Variants in CADM2 observed in about 807,000 individuals in gnomAD.
The protein encoded by CADM2 is immunoglobulin superfamily member 4D.
CADM2 carries 12 observed loss-of-function variants against 49.8 expected under a neutral mutation model. That is an observed-to-expected ratio of 0.24 (90% confidence interval 0.15 to 0.39). The LOEUF is 0.39. CADM2 is among the 10% of genes least tolerant of loss of function. The pLI, the probability that CADM2 is intolerant of heterozygous loss-of-function variation, is 1.00. For synonymous variants in CADM2, 214 were observed against 175.4 expected (o/e 1.22, Z -1.74); for missense variants, 378 against 492.3 (o/e 0.77, Z 2.20).
At chr3:85,384,157 A>C (rs753854880) in intron 1 of CADM2, among the ~76,000 whole-genome samples, 6 of 152,150 alleles carry the variant, frequency 3.9e-5, no homozygotes, top group Non-Finnish European at 7.4e-5. Context: ...GTATCTTTTA[A>C]ATCTGTACCT....
intron 1 of CADM2, among the ~76,000 whole-genome samples, chr3:85,723,333 A>G (rs2067574520): frequency 6.6e-6 from 1 of 152,182 alleles, no homozygotes; most frequent in South Asian, 2.1e-4. Flanking sequence ...ATCTATAAAC[A>G]GTTAAAATTG....
At chr3:85,004,477 G>A (rs1218363728) in intron 1 of CADM2, among the ~76,000 whole-genome samples, 1 of 152,090 alleles carries the variant, frequency 6.6e-6, no homozygotes, top group Non-Finnish European at 1.5e-5. Flanking sequence ...ATTTAGAAAA[G>A]TAAATAAGCA....
At chr3:85,697,959 C>T (rs950432702) in intron 1 of CADM2, among the ~76,000 whole-genome samples, 1 of 152,044 alleles carries the variant, frequency 6.6e-6, no homozygotes, top group Non-Finnish European at 1.5e-5. Flanking sequence ...CTGCATTTAC[C>T]CAAGCATTTT....
At chr3:85,574,216 G>C (rs190358949) in intron 1 of CADM2, among the ~76,000 whole-genome samples, 1 of 152,284 alleles carries the variant, frequency 6.6e-6, no homozygotes, top group Admixed American at 6.5e-5. Context: ...CTGGAATTTG[G>C]ATCTTGAAGC....
At chr3:85,072,360 C>G (rs913275177) in intron 1 of CADM2, among the ~76,000 whole-genome samples, 1 of 152,000 alleles carries the variant, frequency 6.6e-6, no homozygotes, top group Non-Finnish European at 1.5e-5. Context: ...CTTTTAACAT[C>G]CAGTCTCCTA....
intron 1 of CADM2, among the ~76,000 whole-genome samples, chr3:85,243,334 G>A (rs955328637): frequency 1.3e-5 from 2 of 151,800 alleles, no homozygotes; most frequent in African/African-American, 4.8e-5. Flanking sequence ...TTTTTACCCT[G>A]ATGTATTTTA....
chr3:85,416,671 G>A (rs145877847), intron 1 of CADM2, among the ~76,000 whole-genome samples: 212 of 152,138 alleles, frequency 1.4e-3, no homozygotes, highest in African/African-American at 4.6e-3. Context: ...GGACAAGCCT[G>A]GAATACGAAA....
intron 1 of CADM2, among the ~76,000 whole-genome samples, chr3:84,988,309 T>C (rs1355727285): frequency 1.3e-5 from 2 of 152,268 alleles, no homozygotes; most frequent in East Asian, 1.9e-4. Flanking sequence ...TATTTCCTTT[T>C]CCTTTGCAGT....
chr3:85,041,363 A>G (rs893128188), intron 1 of CADM2, among the ~76,000 whole-genome samples: 1 of 152,142 alleles, frequency 6.6e-6, no homozygotes, highest in Non-Finnish European at 1.5e-5. Flanking sequence ...TTTGTTCTCC[A>G]TTGAATTTGT....
At chr3:85,804,290 T>G (rs1248655764) in intron 3 of CADM2, among the ~76,000 whole-genome samples, 1 of 152,152 alleles carries the variant, frequency 6.6e-6, no homozygotes, top group African/African-American at 2.4e-5. Flanking sequence ...TTAGTTAATT[T>G]GTCAACTTGG....
At chr3:85,065,045 A>C (rs1448287715) in intron 1 of CADM2, among the ~76,000 whole-genome samples, 2 of 152,126 alleles carry the variant, frequency 1.3e-5, no homozygotes, top group African/African-American at 4.8e-5. Context: ...TTTAAAATAA[A>C]ATAATATCAC....
At chr3:85,149,108 T>TA (rs2039840858) in intron 1 of CADM2, among the ~76,000 whole-genome samples, 1 of 152,062 alleles carries the variant, frequency 6.6e-6, no homozygotes, top group African/African-American at 2.4e-5. Context: ...GCTTTTTTTT[T>TA]TAAAAAAATC....
intron 1 of CADM2, among the ~76,000 whole-genome samples, chr3:85,023,913 G>C (rs2034613263): frequency 6.6e-6 from 1 of 151,936 alleles, no homozygotes; most frequent in African/African-American, 2.4e-5. Context: ...TTTATGTTAA[G>C]ATAAGTTTGG....
At chr3:85,881,469 CA>C (rs2108384836) in intron 3 of CADM2, among the ~76,000 whole-genome samples, 1 of 152,064 alleles carries the variant, frequency 6.6e-6, no homozygotes, top group South Asian at 2.1e-4. Flanking sequence ...ATACGCTGAA[CA>C]TTTTGATTAT....
At chr3:85,008,004 A>AT (rs1478468758) in intron 1 of CADM2, among the ~76,000 whole-genome samples, 1 of 152,192 alleles carries the variant, frequency 6.6e-6, no homozygotes, top group East Asian at 1.9e-4. Flanking sequence ...AAGAGTTCAT[A>AT]ATTCATAAAT....
At chr3:85,204,553 A>G (rs1389658101) in intron 1 of CADM2, among the ~76,000 whole-genome samples, 7 of 152,122 alleles carry the variant, frequency 4.6e-5, no homozygotes, top group African/African-American at 1.7e-4. Flanking sequence ...TCTCTTCAAA[A>G]ATTGTATTCA....
intron 6 of CADM2, among the ~76,000 whole-genome samples, chr3:85,924,259 A>C (rs987565077): frequency 5.3e-5 from 8 of 152,134 alleles, no homozygotes; most frequent in Admixed American, 1.3e-4. Context: ...AACTGTTTCA[A>C]ATGCACTTAA....
chr3:85,786,679 A>G (rs1197055245), intron 2 of CADM2, among the ~76,000 whole-genome samples: 1 of 152,004 alleles, frequency 6.6e-6, no homozygotes, highest in East Asian at 1.9e-4. Flanking sequence ...TTTGAACACA[A>G]TGTTTATGTG....
At chr3:85,465,302 C>T (rs2038442979) in intron 1 of CADM2, among the ~76,000 whole-genome samples, 1 of 152,122 alleles carries the variant, frequency 6.6e-6, no homozygotes, top group African/African-American at 2.4e-5. Flanking sequence ...ATTTGAAAAA[C>T]TAGAGATATC....
Sources: allele counts gnomAD v4.1 joint callset (sites outside exome capture counted in the v4.1 genomes callset), GRCh38; gene constraint gnomAD v4.1.1; transcripts MANE v1.5; gene names NCBI Gene and HGNC (gene_info 2026-07-23, HGNC 2026-07-21).